Variants in ARMH3 observed in about 807,000 individuals in gnomAD.
ARMH3 encodes armadillo like helical domain containing 3.
ARMH3 carries 60 observed loss-of-function variants against 99.1 expected under a neutral mutation model. That is an observed-to-expected ratio of 0.61 (90% CI 0.49 to 0.75). The LOEUF is 0.75. Among genes scored for constraint, ARMH3 ranks in the 30% least tolerant of loss-of-function variants. The probability of loss-of-function intolerance (pLI) is 0.00; values close to 1 mark genes in which losing one functional copy is unlikely to be tolerated. For missense variants in ARMH3, 679 were observed against 843.1 expected, an observed-to-expected ratio of 0.81 and a Z score of 2.41; for synonymous variants, 285 against 292.8, an observed-to-expected ratio of 0.97 and a Z score of 0.27.
At chr10:101,902,288 G>C (rs1329563588) in intron 23 of ARMH3, among the ~76,000 whole-genome samples, 1 of 152,114 alleles carries the variant, frequency 6.6e-6, no homozygotes, top group Non-Finnish European at 1.5e-5. Context: ...GTAGCTGTGA[G>C]ACAAATTCAA....
chr10:102,019,055 ACTT>A (rs1458285956), intron 8 of ARMH3, among the ~76,000 whole-genome samples: 2 of 151,968 alleles, frequency 1.3e-5, no homozygotes, highest in African/African-American at 4.8e-5. Context: ...ACTATACTAT[ACTT>A]TTTTTTTTGA....
At position 102,001,963 on chromosome 10, in the gene ARMH3, T is replaced by C; in HGVS notation, c.1150+8A>G. The C allele has an allele frequency of 6.2e-7, 1 of 1,613,422 alleles. No individual in the cohort carries two copies. The highest frequency in any genetic ancestry group is 8.5e-7 in the Non-Finnish European group (1 of 1,179,448). ...ACTTCCTGAGCCCCCAAAATAGCTA[T>C]GGCTTACCTTTGGTGTCCTGCATGA... On this transcript the variant is annotated splice_region_variant and intron_variant, in intron 15 of 25. Transcript: ENST00000370033.
intron 23 of ARMH3, among the ~76,000 whole-genome samples, chr10:101,893,378 T>C (rs904816558): frequency 4.5e-4 from 68 of 152,102 alleles, no homozygotes; most frequent in Non-Finnish European, 4.4e-5. Flanking sequence ...TTCCTTACAT[T>C]TCTTAGGAAA....
At chr10:101,872,425 A>C (rs1051332752) in intron 24 of ARMH3, among the ~76,000 whole-genome samples, 4 of 152,212 alleles carry the variant, frequency 2.6e-5, no homozygotes, top group Admixed American at 6.5e-5. Context: ...AGCCGGGCAC[A>C]GTGGCTCATG....
At chr10:102,012,721 C>A (rs2066658053) in intron 10 of ARMH3, 112 bp downstream of exon 10, 4 of 1,001,216 alleles carry the variant, frequency 4.0e-6, no homozygotes, top group Non-Finnish European at 5.8e-6. Context: ...GGCTGTACAT[C>A]TGAATACTCT....
At chr10:102,023,004 C>T (rs2066920754) in intron 8 of ARMH3, among the ~76,000 whole-genome samples, 1 of 152,006 alleles carries the variant, frequency 6.6e-6, no homozygotes, top group Admixed American at 6.5e-5. Context: ...GCCTGACCAA[C>T]ATGGAGAAAC....
At chr10:101,948,094 A>G (rs1415188094) in intron 22 of ARMH3, among the ~76,000 whole-genome samples, 2 of 152,238 alleles carry the variant, frequency 1.3e-5, no homozygotes, top group African/African-American at 4.8e-5. Context: ...GAAAGAAACT[A>G]TATTGATTAT....
intron 2 of ARMH3, among the ~76,000 whole-genome samples, chr10:102,038,971 G>A (rs748955487): frequency 2.6e-5 from 4 of 151,398 alleles, no homozygotes; most frequent in Admixed American, 6.6e-5. Flanking sequence ...TGAACTCCTG[G>A]GCTCAAGAGA....
intron 1 of ARMH3, 87 bp from the exon 2 acceptor site, chr10:102,040,212 C>T: frequency 1.8e-6 from 2 of 1,142,394 alleles, no homozygotes; most frequent in East Asian, 2.4e-5. Context: ...TTTGTCCAAG[C>T]CCATAGAATA....
intron 24 of ARMH3, among the ~76,000 whole-genome samples, chr10:101,860,491 GCCA>G (rs1310871079): frequency 6.6e-6 from 1 of 152,176 alleles, no homozygotes; most frequent in African/African-American, 2.4e-5. Flanking sequence ...TGAAGGTCCT[GCCA>G]AGCTAAGGAG....
chr10:101,914,487 CA>C (rs60601721), intron 23 of ARMH3, among the ~76,000 whole-genome samples: 192 of 104,062 alleles, frequency 1.8e-3, no homozygotes, highest in Middle Eastern at 5.6e-3. Context: ...GACTCTGTCT[CA>C]AAAAAAAAAA....
At chr10:102,053,363 C>G (rs2067756858) in intron 1 of ARMH3, among the ~76,000 whole-genome samples, 1 of 151,962 alleles carries the variant, frequency 6.6e-6, no homozygotes, top group African/African-American at 2.4e-5. Context: ...CTCTCACATC[C>G]TCACCAAGCC....
chr10:102,053,362 C>G (rs1023076502), intron 1 of ARMH3, among the ~76,000 whole-genome samples: 3 of 151,982 alleles, frequency 2.0e-5, no homozygotes, highest in Admixed American at 6.6e-5. Flanking sequence ...CCTCTCACAT[C>G]CTCACCAAGC....
intron 18 of ARMH3, 42 bp downstream of exon 18, chr10:101,991,927 C>T (rs1261755345): frequency 2.0e-6 from 3 of 1,528,344 alleles, no homozygotes; most frequent in South Asian, 2.3e-5. Flanking sequence ...GAAAGCCTAT[C>T]GCTGTCACAG....
chr10:101,873,190 T>C (rs1389100755), intron 24 of ARMH3, among the ~76,000 whole-genome samples: 1 of 148,698 alleles, frequency 6.7e-6, no homozygotes, highest in African/African-American at 2.5e-5. Context: ...GATCATGAGG[T>C]AAGGAGTTCA....
intron 20 of ARMH3, among the ~76,000 whole-genome samples, chr10:101,963,939 T>C (rs1272445956): frequency 6.8e-6 from 1 of 147,550 alleles, no homozygotes; most frequent in East Asian, 2.0e-4. Context: ...TGCAGTGGTG[T>C]GATCTCGGCT....
Position 101,939,950 on chromosome 10 carries a change from G to A in ARMH3, c.1706-12C>T, listed in dbSNP as rs773795247. ...AGAAAGCCTCAGGACTGCAAAGAAG[G>A]AAAGAACACAGATCTGTCAAACCCC... On this transcript the variant is annotated splice_polypyrimidine_tract_variant and intron_variant, in intron 22 of 25. Transcript: ENST00000370033. 9 of 1,612,408 alleles carry A rather than the reference G, an allele frequency of 5.6e-6. No individual in the cohort carries two copies. Among genetic ancestry groups the A allele is most frequent in the South Asian group, 4.4e-5 (4 of 91,014 alleles).
chr10:101,861,225 G>C (rs552299195), intron 24 of ARMH3, among the ~76,000 whole-genome samples: 1 of 152,282 alleles, frequency 6.6e-6, no homozygotes, highest in Admixed American at 6.5e-5. Flanking sequence ...ATTATGTATA[G>C]AGGAACAAAG....
intron 23 of ARMH3, among the ~76,000 whole-genome samples, chr10:101,938,495 G>C (rs1218435190): frequency 1.3e-5 from 2 of 152,128 alleles, no homozygotes; most frequent in South Asian, 4.1e-4. Context: ...TGTGATCAAG[G>C]AAACAGGCCC....
Sources: allele counts gnomAD v4.1 joint callset (sites outside exome capture counted in the v4.1 genomes callset), GRCh38; gene constraint gnomAD v4.1.1; transcripts MANE v1.5; gene names NCBI Gene and HGNC (gene_info 2026-07-23, HGNC 2026-07-21).